FLYWCH2: variants seen among roughly 807,000 people sequenced by gnomAD.
FLYWCH2 encodes the protein FLYWCH family member 2.
A neutral mutation model predicts 6.0 loss-of-function variants in FLYWCH2; 2 were observed. The observed-to-expected ratio is 0.33, with a 90% CI of 0.14 to 1.04. FLYWCH2 has a LOEUF of 1.04. Ranked by LOEUF, FLYWCH2 falls within the 50% of genes least tolerant of loss-of-function variation. FLYWCH2 has a pLI of 0.45. For missense variants in FLYWCH2, 192 were observed against 183.4 expected (o/e 1.05, Z -0.27); for synonymous variants, 87 against 79.3 (o/e 1.10, Z -0.52).
In FLYWCH2 at chr16:2,896,419, G is replaced by A; in HGVS notation, c.-31G>A. 1 of 1,581,766 alleles carries A rather than the reference G, an allele frequency of 6.3e-7. No homozygotes were observed. On this transcript the variant is annotated 5_prime_UTR_variant, in exon 3 of 4. In the 5' UTR this introduces an upstream ATG that the reference lacks. Transcript: ENST00000396958. Reference sequence around the variant, plus strand: ...GAAATCCACCTGCTGGGGGCTGAGTGTGGCCTGAGGGACAGGCCCTGGGTC... The same window carrying A: ...GAAATCCACCTGCTGGGGGCTGAGTATGGCCTGAGGGACAGGCCCTGGGTC...
At chr16:2,897,290 C>G (rs2069834422) in intron 3 of FLYWCH2, among the ~76,000 whole-genome samples, 1 of 152,170 alleles carries the variant, frequency 6.6e-6, no homozygotes, top group African/African-American at 2.4e-5. Context: ...GTGACCTCAG[C>G]CTGGCTCTCC....
intron 1 of FLYWCH2, among the ~76,000 whole-genome samples, chr16:2,887,774 C>G (rs998568250): frequency 6.6e-6 from 1 of 151,662 alleles, no homozygotes; most frequent in African/African-American, 2.4e-5. Flanking sequence ...ACTATGTTGC[C>G]TAGGCTGGTC....
At chr16:2,894,398 C>T (rs1057242507) in intron 1 of FLYWCH2, among the ~76,000 whole-genome samples, 10 of 152,114 alleles carry the variant, frequency 6.6e-5, no homozygotes, top group Admixed American at 6.5e-4. Flanking sequence ...ACTCATGCTG[C>T]GGAGTGTGGG....
At chr16:2,886,473 G>T (rs1226856765) in intron 1 of FLYWCH2, among the ~76,000 whole-genome samples, 1 of 148,132 alleles carries the variant, frequency 6.8e-6, no homozygotes, top group Non-Finnish European at 1.5e-5. Flanking sequence ...CTCCCTAAGT[G>T]CTGGGATTAC....
intron 1 of FLYWCH2, among the ~76,000 whole-genome samples, chr16:2,889,949 G>T (rs1345888038): frequency 2.0e-5 from 3 of 152,148 alleles, no homozygotes; most frequent in Non-Finnish European, 4.4e-5. Flanking sequence ...GCCAGGCGTA[G>T]TGGTGCGTGT....
In FLYWCH2 at chr16:2,888,199, G is replaced by A. The variant is rs528270642; in HGVS notation, c.-200+4833G>A. Among the ~76,000 whole-genome samples the A allele has an allele frequency of 7.1e-4, 108 of 151,906 alleles. 1 individual carries two copies. Among genetic ancestry groups the A allele is most frequent in the Non-Finnish European group, 1.3e-3 (86 of 67,996 alleles). On this transcript the variant is annotated intron_variant, in intron 1 of 3. Coordinates refer to ENST00000396958, the MANE Select transcript of FLYWCH2 (RefSeq NM_138439.3). ...AATTTTTTGTATTTTTAGTAGAGAC[G>A]GGGTTTCACCATGTTGCTTATGCTG...
At chr16:2,884,576 AAT>A (rs1555476289) in intron 1 of FLYWCH2, among the ~76,000 whole-genome samples, 3 of 143,052 alleles carry the variant, frequency 2.1e-5, no homozygotes, top group Admixed American at 1.4e-4. Context: ...AAAAAAAAAA[AAT>A]ACAAAAATTA....
At chr16:2,884,570 A>AAAAAAAAAAAAAC (rs1281848146) in intron 1 of FLYWCH2, among the ~76,000 whole-genome samples, 5 of 146,662 alleles carry the variant, frequency 3.4e-5, no homozygotes, top group African/African-American at 7.6e-5. Context: ...AAAAAAAAAA[A>AAAAAAAAAAAAAC]AAAAAAATAC....
intron 1 of FLYWCH2, among the ~76,000 whole-genome samples, chr16:2,887,232 G>T (rs1236990178): frequency 6.6e-6 from 1 of 151,242 alleles, no homozygotes; most frequent in East Asian, 1.9e-4. Flanking sequence ...TGCAACCTCC[G>T]CCCCACTGGC....
chr16:2,896,847 A>G, intron 3 of FLYWCH2, 76 bp downstream of exon 3: 1 of 1,357,862 alleles, frequency 7.4e-7, no homozygotes, highest in Non-Finnish European at 1.0e-6. Context: ...TGGCTCCATC[A>G]GGCGCTTCTC....
chr16:2,890,793 T>C (rs1488421232), intron 1 of FLYWCH2, among the ~76,000 whole-genome samples: 1 of 152,074 alleles, frequency 6.6e-6, no homozygotes, highest in Non-Finnish European at 1.5e-5. Context: ...TCTTGACCTC[T>C]TGACCTAAAG....
chr16:2,898,485 C>T (rs532464804), intron 3 of FLYWCH2, among the ~76,000 whole-genome samples: 3 of 152,188 alleles, frequency 2.0e-5, no homozygotes, highest in Non-Finnish European at 4.4e-5. Context: ...ACCAGGAGGT[C>T]CCTGCAGAGG....
chr16:2,890,647 C>G (rs1038200282), intron 1 of FLYWCH2, among the ~76,000 whole-genome samples: 1 of 151,054 alleles, frequency 6.6e-6, no homozygotes, highest in Non-Finnish European at 1.5e-5. Context: ...TTGTCTCGAA[C>G]TCCTGACCTT....
intron 1 of FLYWCH2, among the ~76,000 whole-genome samples, chr16:2,884,831 G>A (rs990647019): frequency 4.0e-5 from 6 of 150,182 alleles, no homozygotes; most frequent in Non-Finnish European, 7.4e-5. Context: ...CCAAGGTCGC[G>A]CCACTGCACT....
chr16:2,894,670 G>A (rs531801737), intron 1 of FLYWCH2, among the ~76,000 whole-genome samples: 26 of 152,344 alleles, frequency 1.7e-4, no homozygotes, highest in East Asian at 1.2e-3. Flanking sequence ...GTGACTCGCC[G>A]CCTGGCGCAT....
intron 1 of FLYWCH2, among the ~76,000 whole-genome samples, chr16:2,886,407 T>C (rs573832230): frequency 0.014 from 2,095 of 146,698 alleles, 71 homozygotes; most frequent in African/African-American, 0.054. Context: ...AGGGTTTCAC[T>C]ATGTTGTCTA....
Position 2,896,618 on chromosome 16 carries a change from G to T in FLYWCH2, c.169G>T (p.Ala57Ser), listed in dbSNP as rs2069823694. The T allele has an allele frequency of 6.2e-7, 1 of 1,613,824 alleles. No individual in the cohort carries two copies. Among genetic ancestry groups the T allele is most frequent in the African/African-American group, 1.3e-5 (1 of 74,904 alleles). Residue 57 changes from alanine (A) to serine (S), a missense_variant, in exon 3 of 4, where the codon GCC becomes TCC. By Grantham distance (99) the Ala-to-Ser change is moderately conservative (BLOSUM62 1). Transcript: ENST00000396958. ...CAAAGACAGCACCAAGGTGGCGGGGGCCAAGCGCAAGGGTGTGCACTGTGT... is the reference window on the plus strand; with the variant it reads ...CAAAGACAGCACCAAGGTGGCGGGGTCCAAGCGCAAGGGTGTGCACTGTGT... ...ASKDSTKVAG[A>S]KRKGVHCVMS...
At chr16:2,897,083 G>A (rs2069831984) in intron 3 of FLYWCH2, among the ~76,000 whole-genome samples, 1 of 152,224 alleles carries the variant, frequency 6.6e-6, no homozygotes, top group African/African-American at 2.4e-5. Flanking sequence ...CAGCTTCAAG[G>A]TCTTGGCTCG....
chr16:2,891,113 T>C (rs1469739073), intron 1 of FLYWCH2, among the ~76,000 whole-genome samples: 1 of 152,210 alleles, frequency 6.6e-6, no homozygotes, highest in African/African-American at 2.4e-5. Flanking sequence ...GCTCTGAGGA[T>C]CAGTTTTCTT....
Sources: allele counts gnomAD v4.1 joint callset (sites outside exome capture counted in the v4.1 genomes callset), GRCh38; gene constraint gnomAD v4.1.1; transcripts MANE v1.5; gene names NCBI Gene and HGNC (gene_info 2026-07-23, HGNC 2026-07-21).